The following CEACAM5 variants were observed in gnomAD, a reference collection of about 807,000 sequenced individuals.
The protein encoded by CEACAM5 is cell adhesion molecule CEACAM5.
In CEACAM5, 52 loss-of-function variants were observed where a neutral mutation model predicts 63.0. That is an observed-to-expected ratio of 0.83 (90% CI 0.66 to 1.04). The LOEUF (loss-of-function observed/expected upper bound fraction) is 1.04. Among genes scored for constraint, CEACAM5 ranks in the 50% least tolerant of loss-of-function variants. The pLI is 0.00. For synonymous variants in CEACAM5, 357 were observed against 351.3 expected, an observed-to-expected ratio of 1.02 and a Z score of -0.18; for missense variants, 790 against 864.8, an observed-to-expected ratio of 0.91 and a Z score of 1.08.
chr19:41,728,337 G>A (rs985816229), intron 9 of CEACAM5, among the ~76,000 whole-genome samples: 57 of 152,254 alleles, frequency 3.7e-4, no homozygotes, highest in Admixed American at 1.2e-3. Context: ...AAGTCCCACC[G>A]ATAAATTCCG....
chr19:41,719,312 T>C (rs1184673210), intron 6 of CEACAM5, among the ~76,000 whole-genome samples: 1 of 152,188 alleles, frequency 6.6e-6, no homozygotes, highest in African/African-American at 2.4e-5. Flanking sequence ...TATTTTCCCA[T>C]TATTCTGCTA....
chr19:41,723,074 A>ATT (rs568698753), intron 8 of CEACAM5, among the ~76,000 whole-genome samples: 1 of 146,192 alleles, frequency 6.8e-6, no homozygotes. Flanking sequence ...AGCTTGGCTA[A>ATT]TTTTTTTTTT....
intron 9 of CEACAM5, 100 bp downstream of exon 9, chr19:41,727,452 C>G: frequency 2.9e-6 from 2 of 695,734 alleles, no homozygotes; most frequent in Non-Finnish European, 2.5e-6. Flanking sequence ...GGGACTGGAT[C>G]TCTTCCTCCT....
At chr19:41,725,146 TG>T (rs1485040937) in intron 8 of CEACAM5, among the ~76,000 whole-genome samples, 1 of 151,950 alleles carries the variant, frequency 6.6e-6, no homozygotes, top group Non-Finnish European at 1.5e-5. Flanking sequence ...ATAATTAGAG[TG>T]TTTTTGTTGT....
At chr19:41,728,849 G>T (rs2072735598) in intron 9 of CEACAM5, among the ~76,000 whole-genome samples, 1 of 144,546 alleles carries the variant, frequency 6.9e-6, no homozygotes, top group South Asian at 2.2e-4. Flanking sequence ...CCTATACTTT[G>T]TTGGCCCTGT....
chr19:41,710,058 A>T lies in CEACAM5; in HGVS notation c.424+19A>T, dbSNP rs782313036. On this transcript the variant is annotated intron_variant, in intron 2 of 9. Coordinates refer to ENST00000221992, the MANE Select transcript of CEACAM5 (RefSeq NM_004363.6). Reference sequence around the variant, plus strand: ...GTATACCGTGAGTGATTCCCCCATGACCTCTGGGTGTTGGGGGTCAGTTCT... The same window carrying T: ...GTATACCGTGAGTGATTCCCCCATGTCCTCTGGGTGTTGGGGGTCAGTTCT... 6 of 1,582,296 alleles carry T rather than the reference A, an allele frequency of 3.8e-6. No individual in the cohort carries two copies. In the African/African-American group the frequency reaches 8.1e-5, roughly 21 times the overall value.
At chr19:41,726,549 G>T (rs572727927) in intron 8 of CEACAM5, among the ~76,000 whole-genome samples, 2 of 152,216 alleles carry the variant, frequency 1.3e-5, no homozygotes, top group Non-Finnish European at 2.9e-5. Flanking sequence ...AATTAGAGGT[G>T]CAAGATAATT....
chr19:41,727,112 A>T (rs2072710871), intron 8 of CEACAM5, 122 bp from the exon 9 acceptor site: 1 of 802,226 alleles, frequency 1.2e-6, no homozygotes, highest in East Asian at 2.4e-5. Context: ...CACAAAACTA[A>T]TGCATTCCTT....
rs1555814658 is a variant in CEACAM5 at position 41,715,090 on chromosome 19, A to G, written c.544A>G (p.Asn182Asp). ...QDATYLWWVN[N>D]QSLPVSPRLQ... ...CGCAACCTACCTGTGGTGGGTAAAC[A>G]ATCAGAGCCTCCCGGTCAGTCCCAG... Residue 182 changes from asparagine to aspartate, a missense_variant, in exon 3 of 10, where the codon AAT becomes GAT. Asn to Asp is a conservative substitution (Grantham distance 23). Transcript: ENST00000221992. 1 of 1,614,078 alleles carries G rather than the reference A, an allele frequency of 6.2e-7. No homozygotes were observed. The highest frequency in any genetic ancestry group is 2.2e-5 in the East Asian group (1 of 44,898).
chr19:41,708,875 G>A (rs2072386752), intron 1 of CEACAM5, 80 bp downstream of exon 1: 3 of 1,043,194 alleles, frequency 2.9e-6, no homozygotes, highest in Admixed American at 2.4e-5. Context: ...GAGACGGACA[G>A]AGGGCTCCTG....
chr19:41,714,881 A>G, intron 2 of CEACAM5, 90 bp from the exon 3 acceptor site: 1 of 1,586,676 alleles, frequency 6.3e-7, no homozygotes, highest in Non-Finnish European at 8.6e-7. Flanking sequence ...AGGTGGGCTG[A>G]GAGGTGGAAG....
At position 41,720,474 on chromosome 19, in the gene CEACAM5, A is replaced by G. The variant is rs112476743; in HGVS notation, c.1771+266A>G. Among the ~76,000 whole-genome samples the G allele has an allele frequency of 6.5e-3, 968 of 149,422 alleles. 12 individuals carry two copies. The highest frequency in any genetic ancestry group is 0.023 in the African/African-American group (920 of 40,582). ...AGATGAACGTCTCAGACCCAGACTCAGTGGACATGAGGGTTATGGTTTGGA... is the reference window on the plus strand; with the variant it reads ...AGATGAACGTCTCAGACCCAGACTCGGTGGACATGAGGGTTATGGTTTGGA... On this transcript the variant is annotated intron_variant, in intron 7 of 9. Transcript: ENST00000221992.
chr19:41,709,489 A>G (rs59654817), intron 1 of CEACAM5, among the ~76,000 whole-genome samples, 191 bp from the exon 2 acceptor site: 101,757 of 151,408 alleles, frequency 0.67, 34,477 homozygotes, highest in African/African-American at 0.7. Context: ...TGCCAAGGTC[A>G]GAGGTGCTAA....
Position 41,727,359 on chromosome 19 carries a change from A to G in CEACAM5, c.*36+7A>G, listed in dbSNP as rs1555817262. 5.9e-6 allele frequency: 8 copies of G among 1,359,842 alleles called. No homozygotes were observed. The highest frequency in any genetic ancestry group is 8.4e-6 in the Non-Finnish European group (8 of 952,022). The allele number at this position is 1,359,842 out of a possible 1,614,324, so 84.2% of individuals were successfully genotyped here. ...CTTCATTTCAGGAAGACTGGTAGGT[A>G]TAATGGCCTTTCCTCTTGTTCTGTT... On this transcript the variant is annotated splice_region_variant and intron_variant, in intron 9 of 9. Transcript: ENST00000221992.
intron 8 of CEACAM5, among the ~76,000 whole-genome samples, chr19:41,725,943 T>C (rs2072694686): frequency 6.6e-6 from 1 of 152,236 alleles, no homozygotes; most frequent in Non-Finnish European, 1.5e-5. Flanking sequence ...ATATTTAATG[T>C]ATTTACCATT....
rs1439950686 is a variant in CEACAM5, at chr19:41,721,111, C to G, written c.1961C>G (p.Ala654Gly). Reference protein sequence around the residue: ...KITPNNNGTYACFVSNLATGR... With the variant: ...KITPNNNGTYGCFVSNLATGR... ...ACGCCAAATAATAACGGGACCTATGCCTGTTTTGTCTCTAACTTGGCTACT... is the reference window on the plus strand; with the variant it reads ...ACGCCAAATAATAACGGGACCTATGGCTGTTTTGTCTCTAACTTGGCTACT... Residue 654 changes from alanine to glycine, a missense_variant, in exon 8 of 10, where the codon GCC (alanine) becomes GGC (glycine). Physicochemically the swap from Ala to Gly is moderately conservative, Grantham distance 60. Transcript: ENST00000221992. 5.0e-6 allele frequency: 8 copies of G among 1,614,078 alleles called. No homozygotes were observed. In the African/African-American group the frequency reaches 9.3e-5, roughly 19 times the overall value.
In CEACAM5 at chr19:41,717,641, G is replaced by A. The variant is rs782632166; in HGVS notation, c.1145G>A (p.Ser382Asn). 2.5e-6 allele frequency: 4 copies of A among 1,614,112 alleles called. No individual in the cohort carries two copies. In the Admixed American group the frequency reaches 6.7e-5, roughly 27 times the overall value. Reference sequence around the variant, plus strand: ...GACAACAGGACCCTCACTCTACTCAGTGTCACAAGGAATGATGTAGGACCC... The same window carrying A: ...GACAACAGGACCCTCACTCTACTCAATGTCACAAGGAATGATGTAGGACCC... ...SNDNRTLTLL[S>N]VTRNDVGPYE... is the part of the protein sequence containing the mutation. Residue 382 changes from serine (S) to asparagine (N), a missense_variant, in exon 5 of 10, where the codon AGT becomes AAT. Coordinates refer to ENST00000221992, the MANE Select transcript of CEACAM5 (RefSeq NM_004363.6).
chr19:41,719,247 T>A (rs78333679), intron 6 of CEACAM5, among the ~76,000 whole-genome samples: 2,411 of 152,272 alleles, frequency 0.016, 62 homozygotes, highest in African/African-American at 0.054. Flanking sequence ...ACTATATATA[T>A]CTAACATAAG....
chr19:41,716,603 A>G (rs2072530914), intron 4 of CEACAM5, among the ~76,000 whole-genome samples: 1 of 152,234 alleles, frequency 6.6e-6, no homozygotes, highest in South Asian at 2.1e-4. Flanking sequence ...CACCAGCTAT[A>G]TGAGGCTGTG....
Sources: gnomAD v4.1 joint callset for allele counts (sites outside exome capture counted in the v4.1 genomes callset) on GRCh38, gnomAD v4.1.1 for gene constraint, MANE v1.5 for transcripts, NCBI Gene and HGNC (gene_info 2026-07-23, HGNC 2026-07-21) for gene names.